The following NAPEPLD variants were observed in gnomAD, a reference collection of about 807,000 sequenced individuals.
The protein encoded by NAPEPLD is N-acyl-phosphatidylethanolamine-hydrolyzing phospholipase D.
A neutral mutation model predicts 38.1 loss-of-function variants in NAPEPLD; 23 were observed. That is an observed-to-expected ratio of 0.60 (90% CI 0.43 to 0.86). NAPEPLD has a LOEUF of 0.86. Among genes scored for constraint, NAPEPLD ranks in the 40% least tolerant of loss-of-function variants. The probability of loss-of-function intolerance (pLI) is 0.00; values close to 1 mark genes in which losing one functional copy is unlikely to be tolerated. For synonymous variants in NAPEPLD, 147 were observed against 162.0 expected, an observed-to-expected ratio of 0.91 and a Z score of 0.71; for missense variants, 411 against 476.8, an observed-to-expected ratio of 0.86 and a Z score of 1.28.
chr7:103,149,464 C>T (rs1399542481), upstream of NAPEPLD: 1 of 1,265,516 alleles, frequency 7.9e-7, no homozygotes, highest in Non-Finnish European at 1.0e-6. Flanking sequence ...AGCGCTTCAG[C>T]TCTCGCCGCC....
intron 1 of NAPEPLD, among the ~76,000 whole-genome samples, chr7:103,137,320 C>T (rs780166338): frequency 1.8e-4 from 27 of 152,036 alleles, no homozygotes; most frequent in South Asian, 2.1e-4. Context: ...CTTTAAGTCA[C>T]CAAAATACAT....
At chr7:103,141,474 C>T in intron 1 of NAPEPLD, 2 of 1,273,782 alleles carry the variant, frequency 1.6e-6, no homozygotes, top group Middle Eastern at 3.7e-4. Context: ...GCCTGATCAG[C>T]CAGGAGCTTC....
chr7:103,113,241 G>A (rs764372546), intron 4 of NAPEPLD, among the ~76,000 whole-genome samples: 2 of 152,080 alleles, frequency 1.3e-5, no homozygotes, highest in African/African-American at 4.8e-5. Context: ...CTCCAAATAC[G>A]CACCCACACA....
chr7:103,142,468 T>C (rs945311642), intron 1 of NAPEPLD, among the ~76,000 whole-genome samples: 1 of 152,088 alleles, frequency 6.6e-6, no homozygotes, highest in East Asian at 1.9e-4. Flanking sequence ...TAGCCAGGCA[T>C]GGTGGCAGGC....
upstream of NAPEPLD, among the ~76,000 whole-genome samples, chr7:103,149,931 C>T (rs150739109): frequency 2.6e-3 from 403 of 152,254 alleles, 10 homozygotes; most frequent in Non-Finnish European, 1.6e-3. Context: ...AAATGTTGTA[C>T]AGTACGTATT....
chr7:103,132,570 A>C (rs1469448935), intron 1 of NAPEPLD, among the ~76,000 whole-genome samples: 3 of 152,112 alleles, frequency 2.0e-5, no homozygotes, highest in Non-Finnish European at 2.9e-5. Flanking sequence ...ATTGACACCC[A>C]AAGGAAATGG....
At chr7:103,134,851 T>A (rs1809708137) in intron 1 of NAPEPLD, among the ~76,000 whole-genome samples, 1 of 152,290 alleles carries the variant, frequency 6.6e-6, no homozygotes, top group South Asian at 2.1e-4. Context: ...TGAAGACAAG[T>A]CAGCCAAGTA....
At chr7:103,111,096 A>C (rs1804432893) in intron 4 of NAPEPLD, among the ~76,000 whole-genome samples, 2 of 152,200 alleles carry the variant, frequency 1.3e-5, no homozygotes, top group African/African-American at 4.8e-5. Flanking sequence ...ACCACTGCTC[A>C]AGGAAATAAG....
At chr7:103,119,233 T>A (rs868624881) in intron 3 of NAPEPLD, among the ~76,000 whole-genome samples, 14 of 152,326 alleles carry the variant, frequency 9.2e-5, no homozygotes, top group Middle Eastern at 3.4e-3. Flanking sequence ...TTAACTCATA[T>A]GACTATAATT....
chr7:103,103,630 CTAAAA>C, intron 4 of NAPEPLD, 76 bp from the exon 5 acceptor site: 1 of 1,458,970 alleles, frequency 6.9e-7, no homozygotes, highest in Non-Finnish European at 9.2e-7. Context: ...ACAGTTCAAA[CTAAAA>C]TAACCAACAG....
In NAPEPLD at chr7:103,141,571, C is replaced by T. The variant is rs1329767451; in HGVS notation, c.-17+7240G>A. The T allele has an allele frequency of 2.7e-6, 3 of 1,123,844 alleles. No homozygotes were observed. In the East Asian group the frequency reaches 7.0e-5, roughly 26 times the overall value. The allele number at this position is 1,123,844 out of a possible 1,614,324, so 69.6% of individuals were successfully genotyped here. On this transcript the variant is annotated intron_variant, in intron 1 of 4. Transcript: ENST00000465647. Reference sequence around the variant, plus strand: ...ACACATTCCTCTTCACCTTCAGGTACAGGCTGTGATACATGCGGCGATCAA... The same window carrying T: ...ACACATTCCTCTTCACCTTCAGGTATAGGCTGTGATACATGCGGCGATCAA...
chr7:103,124,823 C>A (rs1807426872), intron 2 of NAPEPLD, among the ~76,000 whole-genome samples: 1 of 152,136 alleles, frequency 6.6e-6, no homozygotes, highest in South Asian at 2.1e-4. Context: ...AGAAATTTGC[C>A]AAAGTCATGC....
At chr7:103,141,620 C>T (rs181476817) in intron 1 of NAPEPLD, 1 of 909,280 alleles carries the variant, frequency 1.1e-6, no homozygotes, top group African/African-American at 1.6e-5. Context: ...ACGGTATCTT[C>T]TGAGCAGCCG....
At chr7:103,120,323 T>C in intron 2 of NAPEPLD, 100 bp from the exon 3 acceptor site, 1 of 1,342,444 alleles carries the variant, frequency 7.4e-7, no homozygotes. Flanking sequence ...AGAAGAGCTG[T>C]TTTAAGAGAA....
intron 3 of NAPEPLD, among the ~76,000 whole-genome samples, chr7:103,119,305 TTTGA>T (rs1334985435): frequency 3.3e-5 from 5 of 152,186 alleles, no homozygotes; most frequent in Non-Finnish European, 2.9e-5. Flanking sequence ...TGTAAAATAG[TTTGA>T]TTTAGTTATT....
At chr7:103,133,558 G>A (rs887513484) in intron 1 of NAPEPLD, among the ~76,000 whole-genome samples, 3 of 152,196 alleles carry the variant, frequency 2.0e-5, no homozygotes, top group Non-Finnish European at 2.9e-5. Flanking sequence ...CTCATGCCCA[G>A]TGTCTTCTGG....
intron 2 of NAPEPLD, among the ~76,000 whole-genome samples, chr7:103,125,666 T>A (rs1487180795): frequency 2.6e-5 from 4 of 152,058 alleles, no homozygotes; most frequent in Non-Finnish European, 5.9e-5. Flanking sequence ...GTGGATCACC[T>A]GAGGTCAGCA....
chr7:103,140,636 G>A (rs900663276), intron 1 of NAPEPLD, among the ~76,000 whole-genome samples: 4 of 151,868 alleles, frequency 2.6e-5, no homozygotes, highest in East Asian at 1.9e-4. Context: ...CTCGTGATCT[G>A]CCCGCCTTGG....
At chr7:103,134,451 A>C (rs1744560796) in intron 1 of NAPEPLD, among the ~76,000 whole-genome samples, 1 of 152,100 alleles carries the variant, frequency 6.6e-6, no homozygotes, top group African/African-American at 2.4e-5. Context: ...GGAGTTCGAG[A>C]CCAGCCTGGC....
Sources: allele counts gnomAD v4.1 joint callset (sites outside exome capture counted in the v4.1 genomes callset), GRCh38; gene constraint gnomAD v4.1.1; transcripts MANE v1.5; gene names NCBI Gene and HGNC (gene_info 2026-07-23, HGNC 2026-07-21).